SYT16: variants seen among roughly 807,000 people sequenced by gnomAD.
SYT16 encodes the protein synaptotagmin-16.
A neutral mutation model predicts 61.4 loss-of-function variants in SYT16; 42 were observed. The ratio of observed to expected loss-of-function variants is 0.68; its 90% CI spans 0.53 to 0.89. The LOEUF is 0.89. SYT16 is among the 40% of genes least tolerant of loss of function. The pLI is 0.00. For missense variants in SYT16, 804 were observed against 807.3 expected (o/e 1.00, Z 0.05); for synonymous variants, 314 against 302.3 (o/e 1.04, Z -0.40).
intron 2 of SYT16, among the ~76,000 whole-genome samples, chr14:61,975,962 TG>T (rs1179177853): frequency 6.6e-6 from 1 of 152,220 alleles, no homozygotes; most frequent in East Asian, 1.9e-4. Flanking sequence ...CCTATGAGCC[TG>T]TAAAATCAAA....
intron 1 of SYT16, among the ~76,000 whole-genome samples, chr14:61,947,030 C>G (rs1490910646): frequency 1.3e-5 from 2 of 151,940 alleles, no homozygotes; most frequent in African/African-American, 4.8e-5. Flanking sequence ...GGGTGGTATA[C>G]AGTGAGGTCC....
chr14:61,967,037 T>C (rs1366075301), intron 1 of SYT16, among the ~76,000 whole-genome samples: 1 of 152,200 alleles, frequency 6.6e-6, no homozygotes, highest in Non-Finnish European at 1.5e-5. Context: ...TGTCAAGGGC[T>C]TGGTAGGTGG....
intron 3 of SYT16, among the ~76,000 whole-genome samples, chr14:62,066,235 A>G (rs971794173): frequency 2.0e-5 from 3 of 152,224 alleles, no homozygotes; most frequent in African/African-American, 7.2e-5. Context: ...ACACAGAGTG[A>G]GAGTTCTTTC....
At chr14:62,011,942 T>TATATATATATATATATATATATA (rs1555370094) in intron 3 of SYT16, among the ~76,000 whole-genome samples, 26 of 144,648 alleles carry the variant, frequency 1.8e-4, no homozygotes, top group African/African-American at 3.1e-4. Context: ...TATATATATA[T>TATATATATATATATATATATATA]TTGATGCTGT....
chr14:61,988,502 C>T (rs967239218), intron 2 of SYT16, among the ~76,000 whole-genome samples: 2 of 152,176 alleles, frequency 1.3e-5, no homozygotes, highest in Non-Finnish European at 2.9e-5. Context: ...GGAATACTTA[C>T]AATGTGCTGT....
Position 62,080,848 on chromosome 14 carries a change from C to T in SYT16, c.1008C>T (p.Thr336=). ...SMWSPEEQDR[T]NLQVPSGVSE... is the part of the protein sequence containing the mutation. Reference sequence around the variant, plus strand: ...GCCTGCAACAGGAACAGGACAGGACCAATTTGCAGGTGCCATCCGGGGTCT... The same window carrying T: ...GCCTGCAACAGGAACAGGACAGGACTAATTTGCAGGTGCCATCCGGGGTCT... Residue 336 remains threonine, a synonymous_variant, in exon 6 of 8, where the codon ACC becomes ACT. Coordinates refer to ENST00000683842, the MANE Select transcript of SYT16 (RefSeq NM_001367656.1). 3 of 1,598,524 alleles carry T rather than the reference C, an allele frequency of 1.9e-6. No homozygotes were observed. Among genetic ancestry groups the T allele is most frequent in the Non-Finnish European group, 2.6e-6 (3 of 1,172,222 alleles).
chr14:61,849,959 T>C (rs566505120), intron 1 of SYT16, among the ~76,000 whole-genome samples: 1 of 152,192 alleles, frequency 6.6e-6, no homozygotes, highest in South Asian at 2.1e-4. Flanking sequence ...GGTAGACATT[T>C]CCATATTTTT....
intron 1 of SYT16, among the ~76,000 whole-genome samples, chr14:61,819,031 T>C (rs562683003): frequency 2.0e-5 from 3 of 152,348 alleles, no homozygotes; most frequent in Non-Finnish European, 4.4e-5. Context: ...TTGAATAGAA[T>C]TCCTATGTTT....
At chr14:62,084,486 T>C in intron 7 of SYT16, 101 bp downstream of exon 7, 1 of 1,318,930 alleles carries the variant, frequency 7.6e-7, no homozygotes, top group Non-Finnish European at 1.0e-6. Flanking sequence ...ATAAAAATGA[T>C]CTTATTATGG....
At chr14:61,982,150 T>TG (rs1248829155) in intron 2 of SYT16, among the ~76,000 whole-genome samples, 1 of 152,172 alleles carries the variant, frequency 6.6e-6, no homozygotes, top group Non-Finnish European at 1.5e-5. Flanking sequence ...AGTCATAGCA[T>TG]GGAATTTTAT....
intron 1 of SYT16, among the ~76,000 whole-genome samples, chr14:61,954,411 G>A (rs1319816578): frequency 2.0e-5 from 3 of 147,424 alleles, no homozygotes; most frequent in Admixed American, 6.9e-5. Context: ...GTCGTTATAT[G>A]TTCTGCCTTC....
At chr14:61,836,389 A>C (rs912215691) in intron 1 of SYT16, among the ~76,000 whole-genome samples, 1 of 152,198 alleles carries the variant, frequency 6.6e-6, no homozygotes, top group Non-Finnish European at 1.5e-5. Flanking sequence ...TCAGCAGTCC[A>C]TTCACTTGAA....
chr14:61,993,123 G>A (rs891852876), intron 2 of SYT16, among the ~76,000 whole-genome samples: 1 of 152,068 alleles, frequency 6.6e-6, no homozygotes, highest in Admixed American at 6.6e-5. Flanking sequence ...AGAAGATGCT[G>A]GCTCAAATTC....
chr14:61,883,978 C>T (rs2047797839), intron 1 of SYT16, among the ~76,000 whole-genome samples: 1 of 151,896 alleles, frequency 6.6e-6, no homozygotes, highest in Non-Finnish European at 1.5e-5. Context: ...AAACTGCTCC[C>T]ATGATCCGAT....
intron 1 of SYT16, among the ~76,000 whole-genome samples, chr14:61,925,731 C>T (rs2049510127): frequency 1.3e-5 from 2 of 152,112 alleles, no homozygotes; most frequent in African/African-American, 4.8e-5. Context: ...GATTATGTTC[C>T]TCTCCCTTTT....
intron 1 of SYT16, among the ~76,000 whole-genome samples, chr14:61,889,579 G>C (rs897497390): frequency 6.6e-6 from 1 of 151,088 alleles, no homozygotes; most frequent in African/African-American, 2.4e-5. Context: ...CCCTCTGCTC[G>C]CTCTTGCTCC....
At position 61,997,507 on chromosome 14, in the gene SYT16, A is replaced by G. The variant is rs140639200; in HGVS notation, c.523+965A>G. On this transcript the variant is annotated intron_variant, in intron 3 of 7. Transcript: ENST00000683842. ...TTAGGGAAAAGTTTTATCCAGATAT[A>G]TGAAGTCTTGGCATATAAAGAAACA... Among the ~76,000 whole-genome samples, 1,195 of 152,188 alleles carry G rather than the reference A, an allele frequency of 7.9e-3. 8 individuals carry two copies. Among genetic ancestry groups the G allele is most frequent in the Middle Eastern group, 0.017 (5 of 294 alleles).
chr14:61,960,732 C>T (rs1188519450), intron 1 of SYT16, among the ~76,000 whole-genome samples: 1 of 152,090 alleles, frequency 6.6e-6, no homozygotes, highest in Non-Finnish European at 1.5e-5. Flanking sequence ...GACTGCCGTA[C>T]TATGTTGAGT....
intron 1 of SYT16, among the ~76,000 whole-genome samples, chr14:61,926,841 T>C (rs1391852381): frequency 1.3e-5 from 2 of 152,186 alleles, no homozygotes; most frequent in African/African-American, 4.8e-5. Context: ...TCAGAGGGTG[T>C]CCTTAGCTCC....
Sources: gnomAD v4.1 joint callset for allele counts (sites outside exome capture counted in the v4.1 genomes callset) on GRCh38, gnomAD v4.1.1 for gene constraint, MANE v1.5 for transcripts, NCBI Gene and HGNC (gene_info 2026-07-23, HGNC 2026-07-21) for gene names.